NAV2: variants seen among roughly 807,000 people sequenced by gnomAD.
The protein encoded by NAV2 is neuron navigator 2, also known as helicase, APC down-regulated 1.
A neutral mutation model predicts 223.2 loss-of-function variants in NAV2; 54 were observed. The ratio of observed to expected loss-of-function variants is 0.24; its 90% CI spans 0.19 to 0.30. The LOEUF is 0.30. Ranked by LOEUF, NAV2 falls within the 10% of genes least tolerant of loss-of-function variation. NAV2 has a pLI of 1.00. For missense variants in NAV2, 2,806 were observed against 3,147.5 expected (o/e 0.89, Z 2.60); for synonymous variants, 1,279 against 1,239.3 (o/e 1.03, Z -0.67).
intron 1 of NAV2, among the ~76,000 whole-genome samples, chr11:19,606,723 T>C (rs2046483703): frequency 6.6e-6 from 1 of 152,248 alleles, no homozygotes; most frequent in African/African-American, 2.4e-5. Context: ...CCAAGAGATA[T>C]GACACCCAGA....
rs145708619 is a variant in NAV2, at chr11:20,075,636, C to T, written c.4984-1916C>T. Among the ~76,000 whole-genome samples, 372 of 152,178 alleles carry T rather than the reference C, an allele frequency of 2.4e-3. 1 individual carries two copies. The highest frequency in any genetic ancestry group is 4.6e-3 in the Non-Finnish European group (312 of 68,014). ...TACAAGTAGAAATGCTCCCTGCCAG[C>T]GGTTGATTCTAGAGATGTCTTAGCC... On this transcript the variant is annotated intron_variant, in intron 22 of 37. Transcript: ENST00000349880.
intron 1 of NAV2, among the ~76,000 whole-genome samples, chr11:19,643,650 C>A (rs1412003600): frequency 6.6e-6 from 1 of 152,152 alleles, no homozygotes; most frequent in African/African-American, 2.4e-5. Flanking sequence ...TTTATAGCAG[C>A]ACGTTTTATA....
chr11:19,470,598 G>A (rs746096579), intron 1 of NAV2, among the ~76,000 whole-genome samples: 1 of 152,108 alleles, frequency 6.6e-6, no homozygotes, highest in African/African-American at 2.4e-5. Flanking sequence ...ATAATCTATC[G>A]TGACCATAAT....
Position 19,683,699 on chromosome 11 carries a change from G to A in NAV2, c.76-148785G>A, listed in dbSNP as rs76188227. Among the ~76,000 whole-genome samples, 1,756 of 152,350 alleles carry A rather than the reference G, an allele frequency of 0.012. 98 individuals are homozygous for A. In the East Asian group the frequency reaches 0.17, roughly 15 times the overall value. ...TGGGCTTCCAGTCGGGTCTGTGTGA[G>A]TTGGCTCTGCCCCTTTCTGGCTGAG... On this transcript the variant is annotated intron_variant, in intron 1 of 37. Transcript: ENST00000360655.
chr11:19,808,675 A>ACAC (rs1286370089), intron 1 of NAV2, among the ~76,000 whole-genome samples: 1 of 152,232 alleles, frequency 6.6e-6, no homozygotes, highest in Non-Finnish European at 1.5e-5. Flanking sequence ...AATAGTTGGT[A>ACAC]CAATTATGTA....
At chr11:19,848,590 A>T (rs2060937180) in intron 3 of NAV2, among the ~76,000 whole-genome samples, 1 of 152,194 alleles carries the variant, frequency 6.6e-6, no homozygotes, top group Non-Finnish European at 1.5e-5. Flanking sequence ...TAAGGGAGCC[A>T]GTTCCTATAA....
chr11:19,720,262 AT>A (rs895454743), intron 1 of NAV2, among the ~76,000 whole-genome samples: 8 of 152,230 alleles, frequency 5.3e-5, no homozygotes, highest in African/African-American at 1.9e-4. Flanking sequence ...GGGCCATGTG[AT>A]TTTGGGAACA....
At chr11:19,612,018 G>A (rs564945285) in intron 1 of NAV2, among the ~76,000 whole-genome samples, 1 of 152,302 alleles carries the variant, frequency 6.6e-6, no homozygotes, top group African/African-American at 2.4e-5. Flanking sequence ...AAATCTAGAC[G>A]GATGTTCCCA....
intron 5 of NAV2, among the ~76,000 whole-genome samples, chr11:19,886,513 C>T (rs1283775752): frequency 2.0e-5 from 3 of 152,202 alleles, no homozygotes; most frequent in African/African-American, 7.2e-5. Context: ...GAGTGGAAAC[C>T]CACTGCTCTG....
chr11:19,897,886 T>TTTTTATATATATATATA (rs144642336), intron 6 of NAV2, among the ~76,000 whole-genome samples: 1 of 120,660 alleles, frequency 8.3e-6, no homozygotes, highest in African/African-American at 3.4e-5. Context: ...GACCTGTGAT[T>TTTTTATATATATATATA]TATATATATA....
intron 1 of NAV2, among the ~76,000 whole-genome samples, chr11:19,480,204 T>C (rs1211959055): frequency 3.9e-5 from 6 of 152,168 alleles, no homozygotes; most frequent in Non-Finnish European, 5.9e-5. Context: ...TCAGAGCCCT[T>C]AACCTGCTAA....
intron 1 of NAV2, among the ~76,000 whole-genome samples, chr11:19,665,273 G>A (rs560155222): frequency 5.9e-5 from 9 of 152,330 alleles, no homozygotes; most frequent in Non-Finnish European, 8.8e-5. Context: ...GGCTGCAGCC[G>A]ACTGGCCAAG....
At chr11:19,878,975 G>C (rs546844451) in intron 4 of NAV2, among the ~76,000 whole-genome samples, 29 of 152,288 alleles carry the variant, frequency 1.9e-4, no homozygotes, top group Admixed American at 1.3e-3. Flanking sequence ...CAGGAAAGCA[G>C]AGAGTGTTGA....
intron 1 of NAV2, among the ~76,000 whole-genome samples, chr11:19,641,265 A>G (rs1430712746): frequency 1.3e-5 from 2 of 152,062 alleles, no homozygotes; most frequent in Non-Finnish European, 2.9e-5. Context: ...CAATGACAGC[A>G]TTTTCTAATT....
At chr11:19,351,235 A>T (rs984708508) in intron 1 of NAV2, among the ~76,000 whole-genome samples, 1 of 152,204 alleles carries the variant, frequency 6.6e-6, no homozygotes. Flanking sequence ...AGGGAAAAAA[A>T]ATTCAGTCCT....
chr11:19,493,968 C>A (rs1209943818), intron 1 of NAV2, among the ~76,000 whole-genome samples: 1 of 152,232 alleles, frequency 6.6e-6, no homozygotes, highest in Non-Finnish European at 1.5e-5. Context: ...AGCAGGAGAA[C>A]TGTTTGATCT....
intron 27 of NAV2, 123 bp from the exon 28 acceptor site, chr11:20,092,083 G>A: frequency 1.2e-6 from 1 of 846,446 alleles, no homozygotes; most frequent in Non-Finnish European, 1.9e-6. Flanking sequence ...CTCTGAGGGT[G>A]TTGTTCGCCT....
intron 1 of NAV2, among the ~76,000 whole-genome samples, chr11:19,683,438 G>C (rs2048931721): frequency 6.6e-6 from 1 of 152,224 alleles, no homozygotes; most frequent in African/African-American, 2.4e-5. Flanking sequence ...ATTTTTATGG[G>C]TCATAATTTG....
chr11:19,760,864 T>A (rs2054681827), intron 1 of NAV2, among the ~76,000 whole-genome samples: 1 of 152,200 alleles, frequency 6.6e-6, no homozygotes, highest in Non-Finnish European at 1.5e-5. Flanking sequence ...TGCTTGTGAG[T>A]TCTTCCAGTC....
Sources: allele counts gnomAD v4.1 joint callset (sites outside exome capture counted in the v4.1 genomes callset), GRCh38; gene constraint gnomAD v4.1.1; transcripts MANE v1.5; gene names NCBI Gene and HGNC (gene_info 2026-07-23, HGNC 2026-07-21).